Variants in EEF2K observed in about 807,000 individuals in gnomAD.
EEF2K encodes the protein eukaryotic elongation factor 2 kinase, also known as alternative protein EEF2K.
A neutral mutation model predicts 93.8 loss-of-function variants in EEF2K; 70 were observed. The ratio of observed to expected loss-of-function variants is 0.75; its 90% confidence interval spans 0.62 to 0.91. EEF2K has a LOEUF of 0.91. EEF2K is among the 40% of genes least tolerant of loss of function. The pLI, the probability that EEF2K is intolerant of heterozygous loss-of-function variation, is 0.00. For missense variants in EEF2K, 935 were observed against 972.9 expected, an observed-to-expected ratio of 0.96 and a Z score of 0.52; for synonymous variants, 376 against 380.8, an observed-to-expected ratio of 0.99 and a Z score of 0.15.
chr16:22,251,177 C>A lies in EEF2K; in HGVS notation c.473C>A (p.Ala158Asp), dbSNP rs1292833154. ...AAGAAGCTCTCCAACTTCTTGCATG[C>A]CCAGCAGTGGAAGGGCGCCTCCAAC... The part of the protein sequence containing the change: ...RTKKLSNFLH[A>D]QQWKGASNYV... Residue 158 changes from alanine (A) to aspartate (D), a missense_variant, in exon 6 of 18, where the codon GCC becomes GAC. Coordinates refer to ENST00000263026, the MANE Select transcript of EEF2K (RefSeq NM_013302.5). 5 of 1,613,922 alleles carry A rather than the reference C, an allele frequency of 3.1e-6. No individual in the cohort carries two copies. The highest frequency in any genetic ancestry group is 1.3e-5 in the African/African-American group (1 of 74,926).
At chr16:22,256,937 C>T (rs745622784) in intron 7 of EEF2K, 40 bp downstream of exon 7, 12 of 1,609,522 alleles carry the variant, frequency 7.5e-6, no homozygotes, top group Non-Finnish European at 1.0e-5. Context: ...CCACCACAGC[C>T]CTTGGGGTGA....
In EEF2K at chr16:22,266,761, C is replaced by T. The variant is rs555557351; in HGVS notation, c.1649C>T (p.Ser550Leu). 9 of 1,614,074 alleles carry T rather than the reference C, an allele frequency of 5.6e-6. No individual in the cohort carries two copies. Among genetic ancestry groups the T allele is most frequent in the Middle Eastern group, 1.6e-4 (1 of 6,084 alleles). The change falls in exon 15 of 18, where the codon TCG becomes TTG. Residue 550 changes from serine (S) to leucine (L), a missense_variant. Physicochemically the swap from Ser to Leu is moderately radical, Grantham distance 145. Coordinates refer to ENST00000263026, the MANE Select transcript of EEF2K (RefSeq NM_013302.5). The stretch of plus-strand genomic sequence containing the variant: ...AAGGGCGAGGAGTGGGACCAGGAGT[C>T]GGCTGTCTTCCACCTGGAGCACGCA... The part of the protein sequence containing the change: ...CEKGEEWDQE[S>L]AVFHLEHAAN...
At chr16:22,237,625 AAAAG>A (rs902910324) in intron 2 of EEF2K, among the ~76,000 whole-genome samples, 2 of 151,956 alleles carry the variant, frequency 1.3e-5, no homozygotes, top group Admixed American at 6.6e-5. Context: ...CTCAAAAAAA[AAAAG>A]AAAAGAAGAA....
intron 9 of EEF2K, 89 bp from the exon 10 acceptor site, chr16:22,258,405 G>A: frequency 2.2e-6 from 3 of 1,342,352 alleles, no homozygotes; most frequent in South Asian, 2.6e-5. Context: ...TGGATGAAGG[G>A]GTTTCAGGGT....
At position 22,286,252 on chromosome 16, in the gene EEF2K, T is replaced by C. The variant is rs1169804830; in HGVS notation, c.*2256T>C. The C allele has an allele frequency of 6.6e-6, 1 of 152,210 alleles. No individual in the cohort carries two copies. The highest frequency in any genetic ancestry group is 1.5e-5 in the Non-Finnish European group (1 of 68,034). 9.4% of individuals were successfully genotyped at this position (152,210 alleles called of 1,614,324 possible). A position where few individuals can be genotyped will look rare whatever the true frequency, so the allele number is the denominator to read the frequency against. On this transcript the variant is annotated 3_prime_UTR_variant, in exon 18 of 18. Coordinates refer to ENST00000263026, the MANE Select transcript of EEF2K (RefSeq NM_013302.5). ...TTGTGTTACATTTTGTGTGTGTGTG[T>C]GCGTGTTTTAAACCAGTGCATATAA... is the stretch of plus-strand genomic sequence containing the variant.
chr16:22,244,801 G>T lies in EEF2K; in HGVS notation c.347+71G>T, dbSNP rs575330838. 2.5e-5 allele frequency: 37 copies of T among 1,498,714 alleles called. 1 individual carries two copies. In the South Asian group the frequency reaches 4.1e-4, roughly 17 times the overall value. The allele number at this position is 1,498,714 out of a possible 1,614,324, so 92.8% of individuals were successfully genotyped here. ...TCCAGCTTCTGTTCCCAATCAGTGAGGCCTAAGTACTCTTGGGGGTCAGGG... is the reference window on the plus strand; with the variant it reads ...TCCAGCTTCTGTTCCCAATCAGTGATGCCTAAGTACTCTTGGGGGTCAGGG... On this transcript the variant is annotated intron_variant, in intron 3 of 17. Transcript: ENST00000263026.
Position 22,260,787 on chromosome 16 carries a change from A to G in EEF2K, c.1299+258A>G, listed in dbSNP as rs716304. 9.9e-5 allele frequency among the ~76,000 whole-genome samples: 15 copies of G among 152,256 alleles called. 1 individual carries two copies. The highest frequency in any genetic ancestry group is 5.8e-4 in the East Asian group (3 of 5,188). On this transcript the variant is annotated intron_variant, in intron 11 of 17. Transcript: ENST00000263026. ...GAAGAGGGACTCCCAGTCAGCAACA[A>G]TGCGATCTTGTAGTAAATGCCAGTC...
At chr16:22,216,151 CT>C (rs2046955858) in intron 1 of EEF2K, among the ~76,000 whole-genome samples, 1 of 152,142 alleles carries the variant, frequency 6.6e-6, no homozygotes, top group South Asian at 2.1e-4. Context: ...CTGTTAGCCA[CT>C]GTATTGGGCT....
intron 15 of EEF2K, among the ~76,000 whole-genome samples, chr16:22,267,360 A>G (rs1170788613): frequency 1.3e-5 from 2 of 152,070 alleles, no homozygotes; most frequent in African/African-American, 2.4e-5. Flanking sequence ...TGGGAGGTTG[A>G]GGCGGGTGGA....
intron 1 of EEF2K, among the ~76,000 whole-genome samples, chr16:22,209,236 T>G (rs2046892633): frequency 6.6e-6 from 1 of 152,166 alleles, no homozygotes; most frequent in South Asian, 2.1e-4. Flanking sequence ...TTCACTGTGT[T>G]GGCCAGGCTG....
chr16:22,256,422 G>A (rs1191757335), intron 6 of EEF2K, among the ~76,000 whole-genome samples: 1 of 151,442 alleles, frequency 6.6e-6, no homozygotes, highest in African/African-American at 2.4e-5. Context: ...TTTAGTAGAG[G>A]CAGGATTTCA....
At chr16:22,208,119 G>A (rs571582240) in intron 1 of EEF2K, among the ~76,000 whole-genome samples, 2 of 152,340 alleles carry the variant, frequency 1.3e-5, no homozygotes, top group Admixed American at 6.5e-5. Flanking sequence ...TCTCAAAGAA[G>A]GGGGTGGGGT....
chr16:22,232,207 T>G (rs1257647170), intron 2 of EEF2K, among the ~76,000 whole-genome samples: 2 of 152,016 alleles, frequency 1.3e-5, no homozygotes, highest in Non-Finnish European at 2.9e-5. Flanking sequence ...TTCTGCCTCC[T>G]TCAGAACCCA....
At chr16:22,282,790 T>C (rs955937747) in intron 17 of EEF2K, among the ~76,000 whole-genome samples, 9 of 152,200 alleles carry the variant, frequency 5.9e-5, no homozygotes, top group African/African-American at 2.2e-4. Flanking sequence ...AATTCTGTCA[T>C]AGCAACATAA....
chr16:22,238,674 A>G lies in EEF2K; in HGVS notation c.247-5956A>G, dbSNP rs1440215442. Among the ~76,000 whole-genome samples the G allele has an allele frequency of 4.6e-5, 7 of 151,534 alleles. No individual in the cohort carries two copies. The South Asian group carries it at 1.5e-3, about 32-fold the overall frequency. ...CAAAAAAAAAGAAAAAAGGAAAAAA[A>G]AAAAAAAAAAAAGCACTGATCATCC... On this transcript the variant is annotated intron_variant, in intron 2 of 17. Coordinates refer to ENST00000263026, the MANE Select transcript of EEF2K (RefSeq NM_013302.5).
At chr16:22,252,755 C>G (rs1432951452) in intron 6 of EEF2K, among the ~76,000 whole-genome samples, 3 of 152,212 alleles carry the variant, frequency 2.0e-5, no homozygotes, top group Non-Finnish European at 2.9e-5. Context: ...ACAGATAGTT[C>G]CATGTGGCTG....
intron 15 of EEF2K, 96 bp from the exon 16 acceptor site, chr16:22,273,529 CA>C: frequency 6.5e-7 from 1 of 1,537,166 alleles, no homozygotes; most frequent in Non-Finnish European, 8.8e-7. Flanking sequence ...CCGGAGCTCT[CA>C]AAAAACAGGG....
chr16:22,217,840 G>A (rs1321715942), intron 1 of EEF2K, among the ~76,000 whole-genome samples: 1 of 152,198 alleles, frequency 6.6e-6, no homozygotes, highest in Non-Finnish European at 1.5e-5. Flanking sequence ...CCAAAAGGCG[G>A]GGTTTATTGT....
chr16:22,213,442 C>T (rs971575814), intron 1 of EEF2K, among the ~76,000 whole-genome samples: 35 of 152,142 alleles, frequency 2.3e-4, no homozygotes, highest in African/African-American at 8.0e-4. Flanking sequence ...GCTAGTTGCA[C>T]CCCTAGAGTT....
Sources: allele counts gnomAD v4.1 joint callset (sites outside exome capture counted in the v4.1 genomes callset), GRCh38; gene constraint gnomAD v4.1.1; transcripts MANE v1.5; gene names NCBI Gene and HGNC (gene_info 2026-07-23, HGNC 2026-07-21).